Variants in DYNC1I1 observed in about 807,000 individuals in gnomAD.
DYNC1I1 encodes the protein cytoplasmic dynein 1 intermediate chain 1.
DYNC1I1 carries 43 observed loss-of-function variants against 86.6 expected under a neutral mutation model. That is an observed-to-expected ratio of 0.50 (90% CI 0.39 to 0.64). DYNC1I1 has a LOEUF of 0.64. Among genes scored for constraint, DYNC1I1 ranks in the 30% least tolerant of loss-of-function variants. The pLI is 0.00. For synonymous variants in DYNC1I1, 262 were observed against 283.7 expected (o/e 0.92, Z 0.77); for missense variants, 604 against 788.8 (o/e 0.77, Z 2.81).
At chr7:95,793,590 G>A (rs1794364006) in intron 1 of DYNC1I1, among the ~76,000 whole-genome samples, 1 of 152,196 alleles carries the variant, frequency 6.6e-6, no homozygotes, top group East Asian at 1.9e-4. Context: ...TATAGCCACA[G>A]GGTTTGTATT....
intron 16 of DYNC1I1, among the ~76,000 whole-genome samples, chr7:96,109,128 A>T (rs959629224): frequency 2.0e-5 from 3 of 149,716 alleles, no homozygotes; most frequent in Non-Finnish European, 4.5e-5. Context: ...TCCTTTTCTG[A>T]TTTTTATTTG....
At position 95,846,899 on chromosome 7, in the gene DYNC1I1, T is replaced by C. The variant is rs548810302; in HGVS notation, c.374+18783T>C. ...GCCATTAGCTTTCTACATTCTCTTT[T>C]TCTATAGATCCAACATTTTCTCTAT... On this transcript the variant is annotated intron_variant, in intron 5 of 16. Coordinates refer to ENST00000447467, the MANE Select transcript of DYNC1I1 (RefSeq NM_001135556.2). Among the ~76,000 whole-genome samples, 17 of 152,320 alleles carry C rather than the reference T, an allele frequency of 1.1e-4. No homozygotes were observed. In the South Asian group the frequency reaches 3.5e-3, roughly 32 times the overall value.
intron 14 of DYNC1I1, among the ~76,000 whole-genome samples, chr7:96,052,337 G>A (rs1377955497): frequency 3.3e-5 from 5 of 151,980 alleles, no homozygotes; most frequent in African/African-American, 1.2e-4. Context: ...GAAGTTTGAA[G>A]GAAATTTAGT....
At chr7:95,852,226 A>T (rs1329755792) in intron 5 of DYNC1I1, among the ~76,000 whole-genome samples, 4 of 151,842 alleles carry the variant, frequency 2.6e-5, no homozygotes, top group Non-Finnish European at 5.9e-5. Flanking sequence ...CTTCGTAATT[A>T]ATTTTTTGAT....
chr7:95,872,822 T>C (rs148979722), intron 6 of DYNC1I1, among the ~76,000 whole-genome samples: 201 of 152,262 alleles, frequency 1.3e-3, no homozygotes, highest in African/African-American at 4.1e-3. Context: ...GAAAACGAAA[T>C]TATGGTCCCC....
At chr7:95,891,272 T>A (rs1164555980) in intron 6 of DYNC1I1, among the ~76,000 whole-genome samples, 2 of 152,222 alleles carry the variant, frequency 1.3e-5, no homozygotes, top group Non-Finnish European at 2.9e-5. Context: ...TTGATCTCCC[T>A]AGTCTGTGGT....
chr7:95,957,852 C>T (rs1216422645), intron 6 of DYNC1I1, among the ~76,000 whole-genome samples: 5 of 152,188 alleles, frequency 3.3e-5, no homozygotes, highest in Non-Finnish European at 5.9e-5. Flanking sequence ...CTTTAAGCCA[C>T]ATTTAAACTC....
intron 6 of DYNC1I1, among the ~76,000 whole-genome samples, chr7:95,875,330 A>C (rs1422031706): frequency 6.6e-6 from 1 of 152,246 alleles, no homozygotes; most frequent in East Asian, 1.9e-4. Context: ...CAGCACACTC[A>C]TATACATTAT....
intron 10 of DYNC1I1, among the ~76,000 whole-genome samples, chr7:96,004,614 G>A (rs1794095500): frequency 6.6e-6 from 1 of 150,860 alleles, no homozygotes; most frequent in Non-Finnish European, 1.5e-5. Flanking sequence ...GCAAAAAATT[G>A]TACCCAAGTG....
At chr7:95,958,407 A>T (rs1792775269) in intron 6 of DYNC1I1, among the ~76,000 whole-genome samples, 1 of 152,308 alleles carries the variant, frequency 6.6e-6, no homozygotes, top group East Asian at 1.9e-4. Flanking sequence ...CCTGGGCAAC[A>T]CAGTGAGACT....
chr7:95,971,151 A>T (rs1027585142), intron 6 of DYNC1I1, among the ~76,000 whole-genome samples: 2 of 152,152 alleles, frequency 1.3e-5, no homozygotes, highest in African/African-American at 4.8e-5. Flanking sequence ...TCCACTACAG[A>T]GTCTGGAACC....
intron 14 of DYNC1I1, among the ~76,000 whole-genome samples, chr7:96,045,897 G>A (rs1584275086): frequency 6.6e-6 from 1 of 152,276 alleles, no homozygotes; most frequent in African/African-American, 2.4e-5. Flanking sequence ...AATGGGAAGG[G>A]GAGACGGAAT....
chr7:95,785,785 ATATATAT>A (rs1794123339), intron 1 of DYNC1I1, among the ~76,000 whole-genome samples: 1 of 57,900 alleles, frequency 1.7e-5, no homozygotes, highest in Non-Finnish European at 3.4e-5. Context: ...GTATATATAT[ATATATAT>A]ATATATATAT....
intron 13 of DYNC1I1, among the ~76,000 whole-genome samples, chr7:96,037,348 C>A (rs1263294628): frequency 1.3e-5 from 2 of 152,118 alleles, no homozygotes; most frequent in African/African-American, 4.8e-5. Context: ...GAGCAAAGTG[C>A]ATTGTTAGGT....
chr7:95,919,613 C>G (rs931044630), intron 6 of DYNC1I1, among the ~76,000 whole-genome samples: 4 of 152,106 alleles, frequency 2.6e-5, no homozygotes, highest in Admixed American at 2.6e-4. Context: ...ATTTTATTGT[C>G]CACCAACTAA....
chr7:96,030,348 G>A (rs1367132567), intron 11 of DYNC1I1, among the ~76,000 whole-genome samples: 1 of 149,356 alleles, frequency 6.7e-6, no homozygotes, highest in Non-Finnish European at 1.5e-5. Flanking sequence ...GTGTGTGTGT[G>A]TGTGTGTGTG....
chr7:96,062,318 G>A (rs868506328), intron 14 of DYNC1I1, among the ~76,000 whole-genome samples: 14 of 152,242 alleles, frequency 9.2e-5, no homozygotes, highest in East Asian at 7.7e-4. Flanking sequence ...GTATTCTTCC[G>A]GAGACAGACA....
At position 96,097,656 on chromosome 7, in the gene DYNC1I1, C is replaced by A; in HGVS notation, c.*63C>A. On this transcript the variant is annotated 3_prime_UTR_variant, in exon 17 of 17. Coordinates refer to ENST00000447467, the MANE Select transcript of DYNC1I1 (RefSeq NM_001135556.2). ...TGTCCTAGAGCTCAGCGTCTGCAGT[C>A]AAGTCTCTTGTATTCGGTGTCCATT... is the stretch of plus-strand genomic sequence containing the variant. 6.2e-7 allele frequency: 1 copy of A among 1,602,390 alleles called. No individual in the cohort carries two copies. The highest frequency in any genetic ancestry group is 1.1e-5 in the South Asian group (1 of 89,312).
intron 11 of DYNC1I1, among the ~76,000 whole-genome samples, chr7:96,031,854 C>A (rs571059568): frequency 1.3e-5 from 2 of 152,194 alleles, no homozygotes; most frequent in South Asian, 4.2e-4. Flanking sequence ...TAGTAACCTT[C>A]CATTTTGTGT....
Sources: gnomAD v4.1 joint callset for allele counts (sites outside exome capture counted in the v4.1 genomes callset) on GRCh38, gnomAD v4.1.1 for gene constraint, MANE v1.5 for transcripts, NCBI Gene and HGNC (gene_info 2026-07-23, HGNC 2026-07-21) for gene names.